Variants in FSIP2 observed in about 807,000 individuals in gnomAD.
The protein encoded by FSIP2 is fibrous sheath-interacting protein 2.
In FSIP2, 367 loss-of-function variants were observed where a neutral mutation model predicts 510.5. The ratio of observed to expected loss-of-function variants is 0.72; its 90% CI spans 0.66 to 0.78. The LOEUF (loss-of-function observed/expected upper bound fraction) is 0.78, where lower values mean the gene tolerates loss of function less well. Among genes scored for constraint, FSIP2 ranks in the 30% least tolerant of loss-of-function variants. The pLI is 0.00. For synonymous variants in FSIP2, 2,601 were observed against 2,732.2 expected (o/e 0.95, Z 1.50); for missense variants, 7,594 against 7,901.7 (o/e 0.96, Z 1.48).
At chr2:185,746,601 A>G in intron 5 of FSIP2, 68 bp from the exon 6 acceptor site, 2 of 1,231,204 alleles carry the variant, frequency 1.6e-6, no homozygotes, top group Non-Finnish European at 2.2e-6. Flanking sequence ...TGGGAATGGC[A>G]TAGCAGATGA....
chr2:185,818,700 C>T (rs563990362), intron 19 of FSIP2, among the ~76,000 whole-genome samples: 1 of 151,824 alleles, frequency 6.6e-6, no homozygotes, highest in South Asian at 2.1e-4. Flanking sequence ...TACTGTCAAA[C>T]AAGAATTCTA....
At chr2:185,817,873 T>C (rs1216440518) in intron 19 of FSIP2, among the ~76,000 whole-genome samples, 2 of 151,954 alleles carry the variant, frequency 1.3e-5, no homozygotes, top group Non-Finnish European at 2.9e-5. Flanking sequence ...ATTAAAATAT[T>C]AACAGAAAAA....
In FSIP2 at chr2:185,800,915, AT is replaced by A; in HGVS notation, c.11610del (p.Asn3870LysfsTer4). ...GCTCCGGAAAGTCTACCTTTTGCAA[AT>A]AAGCATTTGAACTACAGAACAAGAG... ...QQAPESLPFA[N>X]KHLNYRTREI... is the part of the protein sequence containing the mutation. On this transcript the variant is annotated frameshift_variant, in exon 17 of 23. Coordinates refer to ENST00000424728, the MANE Select transcript of FSIP2 (RefSeq NM_173651.4). LOFTEE classifies it high-confidence loss of function. The A allele has an allele frequency of 6.5e-7, 1 of 1,532,698 alleles. No individual in the cohort carries two copies. The highest frequency in any genetic ancestry group is 1.2e-5 in the South Asian group (1 of 83,690). 94.9% of individuals were successfully genotyped at this position (1,532,698 alleles called of 1,614,324 possible). A position where few individuals can be genotyped will look rare whatever the true frequency, so the allele number is the denominator to read the frequency against.
chr2:185,745,956 T>C (rs1574152341), intron 5 of FSIP2, among the ~76,000 whole-genome samples: 1 of 152,256 alleles, frequency 6.6e-6, no homozygotes, highest in African/African-American at 2.4e-5. Flanking sequence ...CTGATGCCAA[T>C]ATATAAATAT....
intron 20 of FSIP2, among the ~76,000 whole-genome samples, chr2:185,827,660 C>T (rs1158512753): frequency 6.6e-6 from 1 of 151,896 alleles, no homozygotes; most frequent in African/African-American, 2.4e-5. Flanking sequence ...CAAATATCCT[C>T]TGAGCATTGC....
Position 185,796,580 on chromosome 2 carries a change from A to G in FSIP2, c.9444A>G (p.Gly3148=). Residue 3148 remains glycine, a synonymous_variant, in exon 16 of 23, where the codon GGA becomes GGG. Coordinates refer to ENST00000424728, the MANE Select transcript of FSIP2 (RefSeq NM_173651.4). ...QNLSRESLFQ[G]AENAYTVNQV... ...TTTCAAGAGAAAGTTTGTTCCAAGG[A>G]GCTGAAAATGCCTACACTGTTAATC... is the stretch of plus-strand genomic sequence containing the variant. 6.5e-7 allele frequency: 1 copy of G among 1,535,052 alleles called. No individual in the cohort carries two copies. The highest frequency in any genetic ancestry group is 1.2e-5 in the South Asian group (1 of 84,020).
chr2:185,782,753 A>G lies in FSIP2; in HGVS notation c.1460A>G (p.Tyr487Cys). The change falls in exon 14 of 23, where the codon TAC (tyrosine) becomes TGC (cysteine). Residue 487 changes from tyrosine (Y) to cysteine (C), a missense_variant. Tyr to Cys is a radical substitution (Grantham distance 194). Transcript: ENST00000424728. ...TDPGIFSSPV[Y>C]TNMQQNLLQN... is the part of the protein sequence containing the mutation. ...CCGGGTATATTTTCTTCTCCTGTTT[A>G]CACAAATATGTAAGTACCTAAGGAA... The G allele has an allele frequency of 6.7e-7, 1 of 1,482,132 alleles. No homozygotes were observed. Among genetic ancestry groups the G allele is most frequent in the Non-Finnish European group, 9.1e-7 (1 of 1,097,806 alleles). 91.8% of individuals were successfully genotyped at this position (1,482,132 alleles called of 1,614,324 possible).
At chr2:185,784,487 G>A (rs1193926292) in intron 14 of FSIP2, among the ~76,000 whole-genome samples, 1 of 152,038 alleles carries the variant, frequency 6.6e-6, no homozygotes, top group African/African-American at 2.4e-5. Flanking sequence ...GCTCCCAAAA[G>A]CTATTAGTGG....
chr2:185,761,691 G>C (rs1306824297), intron 10 of FSIP2, among the ~76,000 whole-genome samples: 1 of 151,282 alleles, frequency 6.6e-6, no homozygotes. Flanking sequence ...ACCAACCACA[G>C]CATGTATTAC....
rs199782893 is a variant in FSIP2 at position 185,801,559 on chromosome 2, T to A, written c.12253T>A (p.Leu4085Ile). The A allele has an allele frequency of 8.5e-6, 13 of 1,534,182 alleles. No homozygotes were observed. The highest frequency in any genetic ancestry group is 1.1e-5 in the Non-Finnish European group (13 of 1,145,630). The change falls in exon 17 of 23, where the codon TTA (leucine) becomes ATA (isoleucine). Residue 4085 changes from leucine to isoleucine, a missense_variant. By Grantham distance (5) the Leu-to-Ile change is conservative (BLOSUM62 2). Transcript: ENST00000424728. ...AGAACAAATAACAAATGGCATATTG[T>A]TAGAGATTTTAGACTACAAACTGCC... ...IAEQITNGIL[L>I]EILDYKLPSC... is the part of the protein sequence containing the mutation.
rs746262486 is a variant in FSIP2, at chr2:185,813,917, T to A, written c.20200T>A (p.Ser6734Thr). 1 of 1,613,654 alleles carries A rather than the reference T, an allele frequency of 6.2e-7. No individual in the cohort carries two copies. Among genetic ancestry groups the A allele is most frequent in the Non-Finnish European group, 8.5e-7 (1 of 1,179,752 alleles). The stretch of plus-strand genomic sequence containing the variant: ...AAATATTGAAAGTACTGAAGCAATC[T>A]CAAATCAGGTAATAGAATCCAAGGA... Reference protein sequence around the residue: ...SANIESTEAISNQVIESKETH... With the variant: ...SANIESTEAITNQVIESKETH... The change falls in exon 18 of 23, where the codon TCA (serine) becomes ACA (threonine). Residue 6734 changes from serine to threonine, a missense_variant. Physicochemically the swap from Ser to Thr is moderately conservative, Grantham distance 58. Coordinates refer to ENST00000424728, the MANE Select transcript of FSIP2 (RefSeq NM_173651.4).
chr2:185,769,004 G>A (rs769149589), intron 13 of FSIP2, among the ~76,000 whole-genome samples: 5 of 152,090 alleles, frequency 3.3e-5, no homozygotes, highest in Non-Finnish European at 4.4e-5. Flanking sequence ...GTATATATGT[G>A]CCATATTTTT....
At chr2:185,773,712 C>T (rs1010839) in intron 13 of FSIP2, among the ~76,000 whole-genome samples, 82,759 of 151,948 alleles carry the variant, frequency 0.54, 22,796 homozygotes, top group South Asian at 0.64. Context: ...TAAATGTTTC[C>T]AAGGTCTTTC....
chr2:185,787,669 A>G (rs1426105960), intron 15 of FSIP2, among the ~76,000 whole-genome samples: 1 of 151,772 alleles, frequency 6.6e-6, no homozygotes, highest in Non-Finnish European at 1.5e-5. Context: ...AGGTTTATAG[A>G]ATTCTACAGA....
chr2:185,743,222 A>G lies in FSIP2; in HGVS notation c.315A>G (p.Leu105=), dbSNP rs1188950366. 2 of 1,529,710 alleles carry G rather than the reference A, an allele frequency of 1.3e-6. No homozygotes were observed. The highest frequency in any genetic ancestry group is 2.5e-5 in the East Asian group (1 of 40,626). 94.8% of individuals were successfully genotyped at this position (1,529,710 alleles called of 1,614,324 possible). A position where few individuals can be genotyped will look rare whatever the true frequency, so the allele number is the denominator to read the frequency against. ...NQYKSLHDPH[L]KAYYKRKDIL... is the part of the protein sequence containing the mutation. ...ATAAAAGCCTCCATGATCCACATTTAAAAGCATACTATAAGCGCAAAGATA... is the reference window on the plus strand; with the variant it reads ...ATAAAAGCCTCCATGATCCACATTTGAAAGCATACTATAAGCGCAAAGATA... Residue 105 remains leucine, a synonymous_variant, in exon 3 of 23, where the codon TTA becomes TTG. Transcript: ENST00000424728.
chr2:185,744,438 AT>A, intron 4 of FSIP2, 27 bp downstream of exon 4: 2 of 586,994 alleles, frequency 3.4e-6, no homozygotes, highest in Non-Finnish European at 2.6e-6. Context: ...AATTTGGTTT[AT>A]TTACATAGAG....
Position 185,791,131 on chromosome 2 carries a change from G to T in FSIP2, c.3995G>T (p.Gly1332Val), listed in dbSNP as rs1693112877. Residue 1332 changes from glycine (G) to valine (V), a missense_variant, in exon 16 of 23, where the codon GGA (glycine) becomes GTA (valine). Physicochemically the swap from Gly to Val is moderately radical, Grantham distance 109. Transcript: ENST00000424728. ...CATACCAAATCCCTTACAGATAAAG[G>T]ATTTTTTGCTAATACTGATAAAAAA... ...IDHTKSLTDKGFFANTDKKLE... is the reference protein window; with the variant it reads ...IDHTKSLTDKVFFANTDKKLE... The T allele has an allele frequency of 6.5e-7, 1 of 1,532,702 alleles. No individual in the cohort carries two copies. Among genetic ancestry groups the T allele is most frequent in the Non-Finnish European group, 8.7e-7 (1 of 1,144,806 alleles). 94.9% of individuals were successfully genotyped at this position (1,532,702 alleles called of 1,614,324 possible). A position where few individuals can be genotyped will look rare whatever the true frequency, so the allele number is the denominator to read the frequency against.
At chr2:185,781,021 A>C (rs554958032) in intron 13 of FSIP2, among the ~76,000 whole-genome samples, 32 of 151,866 alleles carry the variant, frequency 2.1e-4, no homozygotes, top group African/African-American at 7.7e-4. Context: ...CCACAGCCAA[A>C]AGCCAAGACA....
rs536636712 is a variant in FSIP2 at position 185,740,092 on chromosome 2, T to C, written c.225+621T>C. Among the ~76,000 whole-genome samples, 90 of 152,280 alleles carry C rather than the reference T, an allele frequency of 5.9e-4. 1 individual carries two copies. Among genetic ancestry groups the C allele is most frequent in the Non-Finnish European group, 2.9e-5 (2 of 68,008 alleles). On this transcript the variant is annotated intron_variant, in intron 2 of 22. Transcript: ENST00000424728. ...ACCAGAGAGGCTCAGCTTCTTCAAG[T>C]TGAGTCTTTCACACCTACCCATAAA...
Sources: gnomAD v4.1 joint callset for allele counts (sites outside exome capture counted in the v4.1 genomes callset) on GRCh38, gnomAD v4.1.1 for gene constraint, MANE v1.5 for transcripts, NCBI Gene and HGNC (gene_info 2026-07-23, HGNC 2026-07-21) for gene names.